S100A11: variants seen among roughly 807,000 people sequenced by gnomAD.
The protein encoded by S100A11 is S100 calcium binding protein A11.
A neutral mutation model predicts 7.4 loss-of-function variants in S100A11; 5 were observed. The ratio of observed to expected loss-of-function variants is 0.68; its 90% confidence interval spans 0.35 to 1.42. The LOEUF is 1.42. Among genes scored for constraint, S100A11 ranks in the 40% most tolerant of loss-of-function variants. S100A11 has a pLI of 0.04. For synonymous variants in S100A11, 47 were observed against 46.6 expected, an observed-to-expected ratio of 1.01 and a Z score of -0.04; for missense variants, 96 against 125.0, an observed-to-expected ratio of 0.77 and a Z score of 1.11.
At chr1:152,036,801 C>T in intron 1 of S100A11, 112 bp downstream of exon 1, 1 of 961,020 alleles carries the variant, frequency 1.0e-6, no homozygotes, top group South Asian at 1.4e-5. Context: ...CCTGCTGTTT[C>T]CTGCCACGTC....
rs748839103 is a variant in S100A11, at chr1:152,033,771, C to T, written c.33G>A (p.Glu11=). 5 of 1,613,852 alleles carry T rather than the reference C, an allele frequency of 3.1e-6. No homozygotes were observed. Among genetic ancestry groups the T allele is most frequent in the East Asian group, 2.2e-5 (1 of 44,892 alleles). The change falls in exon 2 of 3, where the codon GAG becomes GAA. Residue 11 remains glutamate, a synonymous_variant. Coordinates refer to ENST00000271638, the MANE Select transcript of S100A11 (RefSeq NM_005620.2). This position sits in a 1 kb window ranked among gnomAD's most constrained non-coding sequence, Gnocchi z 4.0. MAKISSPTET[E]RCIESLIAVF... ...CAGCAATCAGGGACTCGATGCACCG[C>T]TCAGTCTCTGTAGGGCTGGAGATTT...
chr1:152,036,808 C>T (rs1317336668), intron 1 of S100A11, 105 bp downstream of exon 1: 5 of 1,013,628 alleles, frequency 4.9e-6, no homozygotes, highest in Non-Finnish European at 7.6e-6. Context: ...TTTCCTGCCA[C>T]GTCCACACAT....
Position 152,032,670 on chromosome 1 carries a change from G to A in S100A11, c.310C>T (p.Arg104Trp), listed in dbSNP as rs150203604. The change falls in exon 3 of 3, where the codon CGG (arginine) becomes TGG (tryptophan). Residue 104 changes from arginine to tryptophan, a missense_variant. Transcript: ENST00000271638. Reference sequence around the variant, plus strand: ...CCAGGGCCAAGGGGTCCTCAGGTCCGCTTCTGGGAAGGGACAGCCTTGAGG... The same window carrying A: ...CCAGGGCCAAGGGGTCCTCAGGTCCACTTCTGGGAAGGGACAGCCTTGAGG... Reference protein sequence around the residue: ...SFLKAVPSQKRT With the variant: ...SFLKAVPSQKWT The A allele has an allele frequency of 4.9e-5, 79 of 1,610,038 alleles. No individual in the cohort carries two copies. Among genetic ancestry groups the A allele is most frequent in the Middle Eastern group, 1.7e-4 (1 of 5,776 alleles).
intron 1 of S100A11, among the ~76,000 whole-genome samples, chr1:152,035,802 T>G (rs1572130024): frequency 6.6e-6 from 1 of 152,222 alleles, no homozygotes; most frequent in Non-Finnish European, 1.5e-5. Flanking sequence ...AAACGGATAC[T>G]GTGAAATAAT....
At chr1:152,035,009 C>A (rs1169362201) in intron 1 of S100A11, among the ~76,000 whole-genome samples, 1 of 152,178 alleles carries the variant, frequency 6.6e-6, no homozygotes, top group African/African-American at 2.4e-5. Flanking sequence ...TGCAGAGATC[C>A]TAGCTGAGTC....
chr1:152,033,856 C>G lies in S100A11; in HGVS notation c.4-56G>C, dbSNP rs1050557073. 1 of 1,470,802 alleles carries G rather than the reference C, an allele frequency of 6.8e-7. No homozygotes were observed. The highest frequency in any genetic ancestry group is 9.5e-7 in the Non-Finnish European group (1 of 1,053,602). The allele number at this position is 1,470,802 out of a possible 1,614,324, so 91.1% of individuals were successfully genotyped here. Reference sequence around the variant, plus strand: ...CAAGGGAAGATGTCAAGGCTGGATACTGGAGAAAACTCCAGGGACTCTTAT... The same window carrying G: ...CAAGGGAAGATGTCAAGGCTGGATAGTGGAGAAAACTCCAGGGACTCTTAT... On this transcript the variant is annotated intron_variant, in intron 1 of 2. Coordinates refer to ENST00000271638, the MANE Select transcript of S100A11 (RefSeq NM_005620.2). The surrounding 1 kb of genome is among the most constrained non-coding windows in gnomAD (Gnocchi z 4.0).
At chr1:152,032,867 A>G in intron 2 of S100A11, 44 bp from the exon 3 acceptor site, 1 of 1,434,916 alleles carries the variant, frequency 7.0e-7, no homozygotes. Flanking sequence ...GCATCTTCTA[A>G]TGTGCTTTCA....
chr1:152,036,829 TAA>T, intron 1 of S100A11, 82 bp downstream of exon 1: 4 of 1,248,846 alleles, frequency 3.2e-6, no homozygotes, highest in Non-Finnish European at 4.7e-6. Flanking sequence ...AAGTCAAAGA[TAA>T]AGTCTGCTGG....
At chr1:152,035,167 G>A (rs1184565612) in intron 1 of S100A11, among the ~76,000 whole-genome samples, 24 of 152,152 alleles carry the variant, frequency 1.6e-4, no homozygotes, top group Admixed American at 1.6e-3. Flanking sequence ...TAGGTTCAGG[G>A]GCCTTTAGGG....
Position 152,033,716 on chromosome 1 carries a change from A to C in S100A11, c.88T>G (p.Tyr30Asp), listed in dbSNP as rs1376750909. The change falls in exon 2 of 3, where the codon TAT becomes GAT. Residue 30 changes from tyrosine to aspartate, a missense_variant. Transcript: ENST00000271638. The surrounding 1 kb of genome is among the most constrained non-coding windows in gnomAD (Gnocchi z 4.0). The part of the protein sequence containing the change: ...VFQKYAGKDG[Y>D]NYTLSKTEFL... Reference sequence around the variant, plus strand: ...TCTGTCTTGGAGAGAGTGTAGTTATAACCATCCTTTCCAGCATACTTCTGG... The same window carrying C: ...TCTGTCTTGGAGAGAGTGTAGTTATCACCATCCTTTCCAGCATACTTCTGG... 11 of 1,613,612 alleles carry C rather than the reference A, an allele frequency of 6.8e-6. No homozygotes were observed. Among genetic ancestry groups the C allele is most frequent in the Non-Finnish European group, 9.3e-6 (11 of 1,179,570 alleles).
chr1:152,036,982 G>A lies in S100A11; in HGVS notation c.-67C>T, dbSNP rs1345474097. 2 of 1,610,262 alleles carry A rather than the reference G, an allele frequency of 1.2e-6. No individual in the cohort carries two copies. Among genetic ancestry groups the A allele is most frequent in the East Asian group, 2.2e-5 (1 of 44,820 alleles). ...GCGCTGAGAGCTCTGTGCGCGCGGC[G>A]TGCGGGTCTGGAGCCTCTCCTCAAC... On this transcript the variant is annotated 5_prime_UTR_variant, in exon 1 of 3. In the 5' UTR this introduces an upstream ATG that the reference lacks. Coordinates refer to ENST00000271638, the MANE Select transcript of S100A11 (RefSeq NM_005620.2).
chr1:152,036,034 T>G (rs1656824268), intron 1 of S100A11, among the ~76,000 whole-genome samples: 2 of 152,230 alleles, frequency 1.3e-5, no homozygotes. Context: ...TGAAGTTTGA[T>G]TTCCACATAA....
Position 152,033,906 on chromosome 1 carries a change from AGACT to A in S100A11, c.4-110_4-107del. The stretch of plus-strand genomic sequence containing the variant: ...TTTCAGGTCAAAGCAGTTTCCTAAA[AGACT>A]GAGTCATTTTTTCAAGGGGCTGAGG... On this transcript the variant is annotated intron_variant, in intron 1 of 2. Transcript: ENST00000271638. The surrounding 1 kb of genome is among the most constrained non-coding windows in gnomAD (Gnocchi z 4.0). 1.0e-6 allele frequency: 1 copy of A among 1,000,700 alleles called. No homozygotes were observed. The highest frequency in any genetic ancestry group is 1.5e-6 in the Non-Finnish European group (1 of 655,304). 62.0% of individuals were successfully genotyped at this position (1,000,700 alleles called of 1,614,324 possible). A position where few individuals can be genotyped will look rare whatever the true frequency, so the allele number is the denominator to read the frequency against.
At position 152,033,531 on chromosome 1, in the gene S100A11, A is replaced by G. The variant is rs1210429305; in HGVS notation, c.156+117T>C. On this transcript the variant is annotated intron_variant, in intron 2 of 2. Coordinates refer to ENST00000271638, the MANE Select transcript of S100A11 (RefSeq NM_005620.2). This position sits in a 1 kb window ranked among gnomAD's most constrained non-coding sequence, Gnocchi z 4.0. ...AAAAACTCCTGGCTTAGAGTGAGTT[A>G]AAATGAAGCAAGAGTGTGGGGTGTC... 1 of 931,272 alleles carries G rather than the reference A, an allele frequency of 1.1e-6. No individual in the cohort carries two copies. Among genetic ancestry groups the G allele is most frequent in the East Asian group, 2.4e-5 (1 of 41,346 alleles). 57.7% of individuals were successfully genotyped at this position (931,272 alleles called of 1,614,324 possible).
chr1:152,033,572 A>G lies in S100A11; in HGVS notation c.156+76T>C, dbSNP rs1656778408. ...GTGGGGTGTCAGTTGCTGCTCCTTC[A>G]TTCCTGGCCATTCTGCCAGGGTCTT... On this transcript the variant is annotated intron_variant, in intron 2 of 2. Transcript: ENST00000271638. The surrounding 1 kb of genome is among the most constrained non-coding windows in gnomAD (Gnocchi z 4.0). The G allele has an allele frequency of 2.1e-6, 3 of 1,420,398 alleles. No homozygotes were observed. Among genetic ancestry groups the G allele is most frequent in the African/African-American group, 1.4e-5 (1 of 70,876 alleles). 88.0% of individuals were successfully genotyped at this position (1,420,398 alleles called of 1,614,324 possible).
At chr1:152,036,613 G>C (rs1656838308) in intron 1 of S100A11, among the ~76,000 whole-genome samples, 1 of 145,504 alleles carries the variant, frequency 6.9e-6, no homozygotes, top group African/African-American at 2.8e-5. Context: ...ACCCACGACG[G>C]GTCCCCCCCC....
At position 152,033,545 on chromosome 1, in the gene S100A11, G is replaced by A; in HGVS notation, c.156+103C>T. The A allele has an allele frequency of 9.5e-7, 1 of 1,048,928 alleles. No individual in the cohort carries two copies. The highest frequency in any genetic ancestry group is 1.5e-6 in the Non-Finnish European group (1 of 686,470). 65.0% of individuals were successfully genotyped at this position (1,048,928 alleles called of 1,614,324 possible). A position where few individuals can be genotyped will look rare whatever the true frequency, so the allele number is the denominator to read the frequency against. Reference sequence around the variant, plus strand: ...TAGAGTGAGTTAAAATGAAGCAAGAGTGTGGGGTGTCAGTTGCTGCTCCTT... The same window carrying A: ...TAGAGTGAGTTAAAATGAAGCAAGAATGTGGGGTGTCAGTTGCTGCTCCTT... On this transcript the variant is annotated intron_variant, in intron 2 of 2. Transcript: ENST00000271638. This position sits in a 1 kb window ranked among gnomAD's most constrained non-coding sequence, Gnocchi z 4.0.
chr1:152,036,593 G>A (rs1380060151), intron 1 of S100A11, among the ~76,000 whole-genome samples: 1 of 151,934 alleles, frequency 6.6e-6, no homozygotes, highest in Non-Finnish European at 1.5e-5. Context: ...GCGAGGGGCT[G>A]GAGGCAGTGA....
chr1:152,036,854 T>C (rs981434981), intron 1 of S100A11, 59 bp downstream of exon 1: 23 of 1,470,872 alleles, frequency 1.6e-5, no homozygotes, highest in Non-Finnish European at 2.2e-5. Flanking sequence ...AGTATGTGGG[T>C]TTTTTTTCTT....
Sources: gnomAD v4.1 joint callset for allele counts (sites outside exome capture counted in the v4.1 genomes callset) on GRCh38, gnomAD v4.1.1 for gene constraint, Gnocchi (gnomAD v3.1) non-coding constraint, MANE v1.5 for transcripts, NCBI Gene and HGNC (gene_info 2026-07-23, HGNC 2026-07-21) for gene names.